The following EEFSEC variants were observed in gnomAD, a reference collection of about 807,000 sequenced individuals.
The protein encoded by EEFSEC is eukaryotic elongation factor, selenocysteine-tRNA specific.
EEFSEC carries 43 observed loss-of-function variants against 42.1 expected under a neutral mutation model. The ratio of observed to expected loss-of-function variants is 1.02; its 90% CI spans 0.80 to 1.32. The LOEUF (loss-of-function observed/expected upper bound fraction) is 1.32. Ranked by LOEUF, EEFSEC falls within the 40% of genes most tolerant of loss-of-function variation. EEFSEC has a pLI of 0.00. For synonymous variants in EEFSEC, 354 were observed against 339.1 expected (o/e 1.04, Z -0.48); for missense variants, 745 against 803.6 (o/e 0.93, Z 0.88).
At position 128,337,641 on chromosome 3, in the gene EEFSEC, G is replaced by A. The variant is rs138828790; in HGVS notation, c.787-3592G>A. Among the ~76,000 whole-genome samples, 704 of 152,344 alleles carry A rather than the reference G, an allele frequency of 4.6e-3. 5 individuals are homozygous for A. The highest frequency in any genetic ancestry group is 0.015 in the African/African-American group (611 of 41,582). On this transcript the variant is annotated intron_variant, in intron 4 of 6. Transcript: ENST00000254730. ...GTCACTCTCTTCAGAGCGGCTGGGC[G>A]TTTATCTGGACCTGTCACAACCAGG...
chr3:128,282,300 G>A (rs910310088), intron 4 of EEFSEC, among the ~76,000 whole-genome samples: 2 of 152,198 alleles, frequency 1.3e-5, no homozygotes, highest in Non-Finnish European at 2.9e-5. Context: ...CCCTGCTGCC[G>A]GCCTCGGTTC....
chr3:128,423,950 G>A, the EEFSEC span, among the ~76,000 whole-genome samples: 30 of 152,350 alleles, frequency 2.0e-4, no homozygotes, highest in African/African-American at 6.5e-4. Context: ...GCCTTGGTGG[G>A]TAGGGAACAG....
At chr3:128,207,625 C>G (rs544093941) in intron 1 of EEFSEC, among the ~76,000 whole-genome samples, 1 of 150,510 alleles carries the variant, frequency 6.6e-6, no homozygotes, top group Non-Finnish European at 1.5e-5. Flanking sequence ...ATAAGGATAA[C>G]GTAAACTAGA....
At chr3:128,343,676 A>G (rs1357331505) in intron 5 of EEFSEC, among the ~76,000 whole-genome samples, 3 of 152,228 alleles carry the variant, frequency 2.0e-5, no homozygotes, top group Non-Finnish European at 4.4e-5. Context: ...AGGCCTGTCA[A>G]CAGCGGTGCA....
chr3:128,224,755 A>G (rs371787656), intron 1 of EEFSEC, among the ~76,000 whole-genome samples: 25 of 152,322 alleles, frequency 1.6e-4, no homozygotes, highest in African/African-American at 6.0e-4. Context: ...AATAATAACT[A>G]TTCTTTGGTA....
chr3:128,193,144 G>A (rs1255710759), intron 1 of EEFSEC, among the ~76,000 whole-genome samples: 1 of 152,236 alleles, frequency 6.6e-6, no homozygotes, highest in Non-Finnish European at 1.5e-5. Flanking sequence ...CTCCCAAGGA[G>A]TGGGACTCCC....
At chr3:128,262,274 G>A (rs551268095) in intron 3 of EEFSEC, 50 bp downstream of exon 3, 6 of 1,536,492 alleles carry the variant, frequency 3.9e-6, no homozygotes, top group Middle Eastern at 1.7e-4. Context: ...CGCTGCTCAG[G>A]CCAGCCCCTT....
At chr3:128,159,255 G>C (rs1383462726) in intron 1 of EEFSEC, among the ~76,000 whole-genome samples, 3 of 152,232 alleles carry the variant, frequency 2.0e-5, no homozygotes, top group African/African-American at 7.2e-5. Context: ...CAAGCAAAGT[G>C]CCTTGGGCTA....
intron 4 of EEFSEC, among the ~76,000 whole-genome samples, chr3:128,302,444 C>T (rs2066779216): frequency 6.6e-6 from 1 of 151,910 alleles, no homozygotes; most frequent in South Asian, 2.1e-4. Flanking sequence ...GATTTAATGC[C>T]CTGATTTCCA....
rs371623845 is a variant in EEFSEC, at chr3:128,239,106, C to T, written c.317-7730C>T. 3.2e-4 allele frequency among the ~76,000 whole-genome samples: 48 copies of T among 152,350 alleles called. No homozygotes were observed. In the East Asian group the frequency reaches 8.1e-3, roughly 26 times the overall value. The stretch of plus-strand genomic sequence containing the variant: ...GGGCAGTTCAAACAAAAAGGATGTC[C>T]TGCCCAGTGGTGGATACAGTGATCC... On this transcript the variant is annotated intron_variant, in intron 1 of 6. Transcript: ENST00000254730.
intron 4 of EEFSEC, among the ~76,000 whole-genome samples, chr3:128,293,037 C>T (rs73197377): frequency 2.1e-4 from 32 of 152,216 alleles, no homozygotes; most frequent in Non-Finnish European, 3.5e-4. Context: ...TCCTTTGACC[C>T]ATGGGTTATT....
At chr3:128,391,874 T>G (rs574098845) in intron 6 of EEFSEC, among the ~76,000 whole-genome samples, 2 of 152,308 alleles carry the variant, frequency 1.3e-5, no homozygotes, top group South Asian at 4.1e-4. Context: ...AGGAGTGAGC[T>G]TCTGCTTGTG....
At chr3:128,196,234 C>T (rs887395550) in intron 1 of EEFSEC, among the ~76,000 whole-genome samples, 3 of 152,238 alleles carry the variant, frequency 2.0e-5, no homozygotes, top group South Asian at 2.1e-4. Context: ...TGAAATTATT[C>T]GTTTATGATC....
chr3:128,263,666 TAA>T (rs1005933866), intron 3 of EEFSEC, among the ~76,000 whole-genome samples: 18 of 152,330 alleles, frequency 1.2e-4, no homozygotes, highest in African/African-American at 4.3e-4. Flanking sequence ...ATCACAAGAC[TAA>T]GACTTTGGAA....
At chr3:128,282,183 C>T (rs1333911934) in intron 4 of EEFSEC, among the ~76,000 whole-genome samples, 1 of 152,222 alleles carries the variant, frequency 6.6e-6, no homozygotes, top group Non-Finnish European at 1.5e-5. Context: ...ACCTCCTGAC[C>T]CCGACTTGGT....
chr3:128,412,811 G>A (rs1294460967), downstream of EEFSEC, among the ~76,000 whole-genome samples: 1 of 152,270 alleles, frequency 6.6e-6, no homozygotes, highest in Non-Finnish European at 1.5e-5. Context: ...GGTGCTGGGA[G>A]TGGGGCTCGC....
intron 4 of EEFSEC, among the ~76,000 whole-genome samples, chr3:128,294,539 G>A (rs2066681423): frequency 6.6e-6 from 1 of 152,176 alleles, no homozygotes. Flanking sequence ...GAGCAGCAGG[G>A]CCCCAGACCT....
chr3:128,339,256 T>G (rs763869354), intron 4 of EEFSEC, among the ~76,000 whole-genome samples: 2 of 152,184 alleles, frequency 1.3e-5, no homozygotes, highest in Non-Finnish European at 2.9e-5. Flanking sequence ...AAACAAACAC[T>G]TGAGTATTAT....
At chr3:128,298,940 A>G (rs1462013472) in intron 4 of EEFSEC, among the ~76,000 whole-genome samples, 1 of 152,214 alleles carries the variant, frequency 6.6e-6, no homozygotes, top group Non-Finnish European at 1.5e-5. Flanking sequence ...TTGAGTACAT[A>G]TAGCACATTT....
Sources: allele counts gnomAD v4.1 joint callset (sites outside exome capture counted in the v4.1 genomes callset), GRCh38; gene constraint gnomAD v4.1.1; transcripts MANE v1.5; gene names NCBI Gene and HGNC (gene_info 2026-07-23, HGNC 2026-07-21).